Variants in SGSM1 observed in about 807,000 individuals in gnomAD.
SGSM1 encodes RUN and TBC1 domain containing 2.
A neutral mutation model predicts 133.8 loss-of-function variants in SGSM1; 73 were observed. That is an observed-to-expected ratio of 0.55 (90% CI 0.45 to 0.66). SGSM1 has a LOEUF of 0.66. Among genes scored for constraint, SGSM1 ranks in the 30% least tolerant of loss-of-function variants. The pLI is 0.00. For synonymous variants in SGSM1, 563 were observed against 573.0 expected (o/e 0.98, Z 0.25); for missense variants, 1,213 against 1,448.1 (o/e 0.84, Z 2.64).
intron 14 of SGSM1, among the ~76,000 whole-genome samples, chr22:24,882,547 T>C (rs1206594769): frequency 2.0e-5 from 3 of 152,308 alleles, no homozygotes; most frequent in South Asian, 2.1e-4. Flanking sequence ...TAATAGCTAT[T>C]TTGAAATATA....
At chr22:24,817,110 A>T (rs1056239481) in intron 2 of SGSM1, among the ~76,000 whole-genome samples, 2 of 152,150 alleles carry the variant, frequency 1.3e-5, no homozygotes, top group African/African-American at 4.8e-5. Context: ...CAGGCAGACA[A>T]ACCACAGATG....
At position 24,893,598 on chromosome 22, in the gene SGSM1, A is replaced by G. The variant is rs759691713; in HGVS notation, c.1938A>G (p.Ser646=). The G allele has an allele frequency of 2.5e-6, 4 of 1,575,684 alleles. No homozygotes were observed. Among genetic ancestry groups the G allele is most frequent in the Admixed American group, 3.6e-5 (2 of 55,574 alleles). The change falls in exon 17 of 25, where the codon TCA becomes TCG. Residue 646 remains serine (S), a synonymous_variant. Transcript: ENST00000400358. The part of the protein sequence containing the change: ...SHLHRMLHRD[S]TISNESSQSC... ...TGCACCGGATGTTGCACAGGGACTC[A>G]ACCATCAGCAATGAGGTGATGGGCG...
intron 2 of SGSM1, among the ~76,000 whole-genome samples, chr22:24,837,591 C>CCCG: frequency 9.1e-6 from 1 of 109,600 alleles, no homozygotes; most frequent in Non-Finnish European, 1.7e-5. Context: ...CCCCCCCCCC[C>CCCG]TTTCCCAGTC....
In SGSM1 at chr22:24,895,298, T is replaced by C; in HGVS notation, c.2022+7T>C. 6.2e-7 allele frequency: 1 copy of C among 1,609,570 alleles called. No individual in the cohort carries two copies. The highest frequency in any genetic ancestry group is 8.5e-7 in the Non-Finnish European group (1 of 1,178,106). On this transcript the variant is annotated splice_region_variant and intron_variant, in intron 18 of 24. Transcript: ENST00000400358. The stretch of plus-strand genomic sequence containing the variant: ...CTCCAGCAGCAGCACACAGGTGACC[T>C]TGTGGAGGCCTCGCCCCCTCCCACC...
intron 12 of SGSM1, among the ~76,000 whole-genome samples, chr22:24,870,919 C>T (rs1931736383): frequency 6.6e-6 from 1 of 152,222 alleles, no homozygotes; most frequent in Admixed American, 6.5e-5. Context: ...CCTTTACTCC[C>T]TCCCCTTTTC....
At position 24,837,588 on chromosome 22, in the gene SGSM1, C is replaced by G. The variant is rs959845331; in HGVS notation, c.64-7309C>G. Reference sequence around the variant, plus strand: ...CCCGGGGAAAGGGAGACCCCCCCCCCCCCTTTCCCAGTCTGCTAAGTAGCG... The same window carrying G: ...CCCGGGGAAAGGGAGACCCCCCCCCGCCCTTTCCCAGTCTGCTAAGTAGCG... On this transcript the variant is annotated intron_variant, in intron 2 of 24. Coordinates refer to ENST00000400358, the MANE Select transcript of SGSM1 (RefSeq NM_001098497.3). Among the ~76,000 whole-genome samples the G allele has an allele frequency of 1.0e-4, 14 of 139,294 alleles. No individual in the cohort carries two copies. In the East Asian group the frequency reaches 2.5e-3, roughly 24 times the overall value. 91.4% of individuals were successfully genotyped at this position (139,294 alleles called of 152,430 possible). A position where few individuals can be genotyped will look rare whatever the true frequency, so the allele number is the denominator to read the frequency against.
intron 2 of SGSM1, among the ~76,000 whole-genome samples, chr22:24,809,505 A>G (rs1927609408): frequency 6.6e-6 from 1 of 152,248 alleles, no homozygotes; most frequent in Admixed American, 6.5e-5. Flanking sequence ...CACTGCAGCC[A>G]CGAAGGGGCC....
At chr22:24,857,363 G>A (rs376344217) in intron 8 of SGSM1, among the ~76,000 whole-genome samples, 2 of 139,362 alleles carry the variant, frequency 1.4e-5, no homozygotes, top group African/African-American at 2.7e-5. Context: ...AGCCAAGCTC[G>A]CACCACTGCA....
intron 2 of SGSM1, among the ~76,000 whole-genome samples, chr22:24,821,223 G>T (rs946961724): frequency 5.3e-5 from 8 of 152,314 alleles, no homozygotes; most frequent in Admixed American, 3.3e-4. Flanking sequence ...TTTTAGTAGA[G>T]ATGGGGTTTG....
At chr22:24,811,575 G>A (rs1339950573) in intron 2 of SGSM1, among the ~76,000 whole-genome samples, 1 of 152,070 alleles carries the variant, frequency 6.6e-6, no homozygotes, top group Non-Finnish European at 1.5e-5. Flanking sequence ...AATAACATTA[G>A]CAATTCCTGG....
chr22:24,893,792 C>T (rs1932858133), intron 17 of SGSM1, among the ~76,000 whole-genome samples, 179 bp downstream of exon 17: 1 of 152,110 alleles, frequency 6.6e-6, no homozygotes, highest in Admixed American at 6.6e-5. Context: ...AAACTCTAGT[C>T]CCACCATTTA....
At chr22:24,886,771 G>A in intron 16 of SGSM1, 43 bp downstream of exon 16, 1 of 1,552,424 alleles carries the variant, frequency 6.4e-7, no homozygotes, top group Non-Finnish European at 8.7e-7. Flanking sequence ...GGCAACAAAA[G>A]GAGCCAGATA....
chr22:24,902,357 G>A (rs994131518), intron 20 of SGSM1, among the ~76,000 whole-genome samples: 3 of 151,762 alleles, frequency 2.0e-5, no homozygotes, highest in Admixed American at 6.6e-5. Context: ...CAAGATCTAC[G>A]ACTGGTTATT....
intron 19 of SGSM1, 127 bp downstream of exon 19, chr22:24,898,686 T>C: frequency 1.1e-6 from 1 of 925,858 alleles, no homozygotes; most frequent in Non-Finnish European, 1.6e-6. Flanking sequence ...TTTTCCGTCA[T>C]GGAGGATTCA....
rs760126657 is a variant in SGSM1, at chr22:24,924,218, C to T, written c.3226C>T (p.Leu1076=). ...TGAGCGACACAACACCAAGCAAGTCCTGAAGCTGGCGCGGGACCTCGTGTA... is the reference window on the plus strand; with the variant it reads ...TGAGCGACACAACACCAAGCAAGTCTTGAAGCTGGCGCGGGACCTCGTGTA... ...MAERHNTKQV[L]KLARDLVYKV... Residue 1076 remains leucine, a synonymous_variant, in exon 25 of 25, where the codon CTG becomes TTG. Coordinates refer to ENST00000400358, the MANE Select transcript of SGSM1 (RefSeq NM_001098497.3). The T allele has an allele frequency of 1.9e-6, 3 of 1,613,998 alleles. No individual in the cohort carries two copies. Among genetic ancestry groups the T allele is most frequent in the South Asian group, 2.2e-5 (2 of 91,082 alleles).
At chr22:24,905,774 G>A (rs1178348361) in intron 21 of SGSM1, among the ~76,000 whole-genome samples, 2 of 145,566 alleles carry the variant, frequency 1.4e-5, no homozygotes, top group Non-Finnish European at 3.0e-5. Flanking sequence ...GGGAGACACA[G>A]CAAGACTCTG....
chr22:24,866,939 G>T (rs911660018), intron 9 of SGSM1, among the ~76,000 whole-genome samples, 154 bp from the exon 10 acceptor site: 1 of 152,190 alleles, frequency 6.6e-6, no homozygotes, highest in South Asian at 2.1e-4. Context: ...ACCAGAAAAA[G>T]GGGAGATAGA....
At position 24,886,605 on chromosome 22, in the gene SGSM1, C is replaced by T. The variant is rs11914101; in HGVS notation, c.1647C>T (p.Tyr549=). The change falls in exon 16 of 25, where the codon TAC becomes TAT. Residue 549 remains tyrosine (Y), a synonymous_variant. Transcript: ENST00000400358. ...CTCCTCTCCACCCACCACAGAGTTA[C>T]GAGGAGCAGGAGCTGCTGCGCCTCA... ...WEQYLHDSTS[Y]EEQELLRLIY... The T allele has an allele frequency of 0.029, 44,575 of 1,552,144 alleles. 1,677 individuals carry two copies. The highest frequency in any genetic ancestry group is 0.17 in the African/African-American group (12,299 of 73,160).
rs751464479 is a variant in SGSM1 at position 24,850,409 on chromosome 22, G to A, written c.432G>A (p.Val144=). ...ALFEKVLDKI[V]HYLVENSSKY... ...TTGAGAAGGTCCTGGACAAAATTGT[G>A]CATTACCTTGTGGAAAACAGCAGGT... Residue 144 remains valine, a synonymous_variant, in exon 5 of 25, where the codon GTG becomes GTA. Transcript: ENST00000400358. 3.1e-6 allele frequency: 5 copies of A among 1,613,948 alleles called. No individual in the cohort carries two copies. Among genetic ancestry groups the A allele is most frequent in the Non-Finnish European group, 3.4e-6 (4 of 1,179,872 alleles).
Sources: allele counts gnomAD v4.1 joint callset (sites outside exome capture counted in the v4.1 genomes callset), GRCh38; gene constraint gnomAD v4.1.1; transcripts MANE v1.5; gene names NCBI Gene and HGNC (gene_info 2026-07-23, HGNC 2026-07-21).